The following TMEM177 variants were observed in gnomAD, a reference collection of about 807,000 sequenced individuals.
TMEM177 encodes the protein transmembrane protein 177.
In TMEM177, 4 loss-of-function variants were observed where a neutral mutation model predicts 14.2. The ratio of observed to expected loss-of-function variants is 0.28; its 90% CI spans 0.14 to 0.64. TMEM177 has a LOEUF of 0.64. Among genes scored for constraint, TMEM177 ranks in the 30% least tolerant of loss-of-function variants. The pLI is 0.82. For missense variants in TMEM177, 344 were observed against 405.2 expected (o/e 0.85, Z 1.30); for synonymous variants, 179 against 174.5 (o/e 1.03, Z -0.20).
At chr2:119,703,934 C>T in the TMEM177 span, among the ~76,000 whole-genome samples, 1 of 152,204 alleles carries the variant, frequency 6.6e-6, no homozygotes, top group Non-Finnish European at 1.5e-5. Context: ...TGTAAATCAT[C>T]CTTTACTAAA....
At chr2:119,709,364 G>A in the TMEM177 span, among the ~76,000 whole-genome samples, 125,864 of 152,180 alleles carry the variant, frequency 0.83, 52,153 homozygotes, top group East Asian at 0.89. Flanking sequence ...GAAATATTTG[G>A]TCCATTAGGG....
chr2:119,688,928 T>G (rs1558691574), downstream of TMEM177, among the ~76,000 whole-genome samples: 1 of 152,212 alleles, frequency 6.6e-6, no homozygotes, highest in Non-Finnish European at 1.5e-5. Context: ...CCACCAGCGA[T>G]GGAGCGTGGG....
chr2:119,681,701 T>A lies in TMEM177; in HGVS notation c.848T>A (p.Leu283Ter). The A allele has an allele frequency of 6.2e-7, 1 of 1,614,184 alleles. No individual in the cohort carries two copies. Among genetic ancestry groups the A allele is most frequent in the South Asian group, 1.1e-5 (1 of 91,086 alleles). ...TPSGNIVPRH[L>*]FRIKHLPYTT... ...AGCGGGAACATCGTCCCCAGACACTTGTTCCGAATCAAACATTTACCCTAC... is the reference window on the plus strand; with the variant it reads ...AGCGGGAACATCGTCCCCAGACACTAGTTCCGAATCAAACATTTACCCTAC... The change falls in exon 2 of 2, where the codon TTG becomes TAG. Residue 283 changes from leucine (L) to a stop codon, truncating the protein, a stop_gained. Transcript: ENST00000272521. LOFTEE classifies it high-confidence loss of function.
downstream of TMEM177, chr2:119,685,780 A>T: frequency 1.4e-6 from 1 of 716,588 alleles, no homozygotes. Flanking sequence ...CACTAAATTT[A>T]TACTGTCCTA....
At chr2:119,683,760 A>G (rs1438321780), downstream of TMEM177, among the ~76,000 whole-genome samples, 4 of 152,096 alleles carry the variant, frequency 2.6e-5, no homozygotes, top group Non-Finnish European at 5.9e-5. Flanking sequence ...AGCCGTGTGT[A>G]TGTGTGTGCG....
the TMEM177 span, among the ~76,000 whole-genome samples, chr2:119,717,523 C>T: frequency 1.3e-5 from 2 of 150,562 alleles, no homozygotes; most frequent in East Asian, 2.0e-4. Context: ...GTGGTGGATA[C>T]ACCTTTTGTC....
rs749496137 is a variant in TMEM177 at position 119,680,947 on chromosome 2, A to AG, written c.94_95insG (p.Ile32SerfsTer88). ...CTGTGCAGGCCTGTTTGGAGTTCCAATCTCGTACCACCTCTTCCCGGATCC... is the reference window on the plus strand; with the variant it reads ...CTGTGCAGGCCTGTTTGGAGTTCCAAGTCTCGTACCACCTCTTCCCGGATCC... On this transcript the variant is annotated frameshift_variant, in exon 2 of 2. Transcript: ENST00000272521. LOFTEE classifies it high-confidence loss of function. 6.2e-7 allele frequency: 1 copy of AG among 1,613,980 alleles called. No individual in the cohort carries two copies. The highest frequency in any genetic ancestry group is 8.5e-7 in the Non-Finnish European group (1 of 1,180,022).
At chr2:119,701,888 TC>T in the TMEM177 span, among the ~76,000 whole-genome samples, 1 of 152,200 alleles carries the variant, frequency 6.6e-6, no homozygotes, top group Non-Finnish European at 1.5e-5. Context: ...TGTCTTCTGT[TC>T]CTGGGTGGGA....
chr2:119,681,459 T>G lies in TMEM177; in HGVS notation c.606T>G (p.Ala202=), dbSNP rs1245805025. ...GLHAGPMNLR[A]AFSLVAAVAG... ...ATGCAGGCCCCATGAATTTACGGGC[T>G]GCCTTCAGCTTGGTGGCAGCAGTGG... The change falls in exon 2 of 2, where the codon GCT becomes GCG. Residue 202 remains alanine, a synonymous_variant. Transcript: ENST00000272521. 1 of 1,613,634 alleles carries G rather than the reference T, an allele frequency of 6.2e-7. No individual in the cohort carries two copies. The highest frequency in any genetic ancestry group is 8.5e-7 in the Non-Finnish European group (1 of 1,180,038).
At chr2:119,713,046 C>T in the TMEM177 span, among the ~76,000 whole-genome samples, 3 of 151,410 alleles carry the variant, frequency 2.0e-5, no homozygotes, top group African/African-American at 7.3e-5. Flanking sequence ...TAGAAATATT[C>T]GACACCAAAC....
At chr2:119,714,957 A>G in the TMEM177 span, among the ~76,000 whole-genome samples, 2 of 152,222 alleles carry the variant, frequency 1.3e-5, no homozygotes, top group Non-Finnish European at 2.9e-5. Context: ...GCAGACAGGA[A>G]GTGTATGCCA....
the TMEM177 span, among the ~76,000 whole-genome samples, chr2:119,711,599 A>G: frequency 6.6e-6 from 1 of 152,114 alleles, no homozygotes; most frequent in African/African-American, 2.4e-5. Context: ...AAATACTGAT[A>G]GGCTTCTCCC....
In TMEM177 at chr2:119,681,959, A is replaced by G. The variant is rs1688918478; in HGVS notation, c.*170A>G. 4.8e-6 allele frequency: 3 copies of G among 631,216 alleles called. No homozygotes were observed. In the East Asian group the frequency reaches 8.3e-5, roughly 17 times the overall value. 39.1% of individuals were successfully genotyped at this position (631,216 alleles called of 1,614,324 possible). On this transcript the variant is annotated 3_prime_UTR_variant, in exon 2 of 2. Coordinates refer to ENST00000272521, the MANE Select transcript of TMEM177 (RefSeq NM_030577.3). ...ACCACTACTTATGAACTCAGGGACTATGAGGGACTATTCAGGGGCTATGAA... is the reference window on the plus strand; with the variant it reads ...ACCACTACTTATGAACTCAGGGACTGTGAGGGACTATTCAGGGGCTATGAA...
chr2:119,705,522 C>T, the TMEM177 span, among the ~76,000 whole-genome samples: 4,430 of 152,102 alleles, frequency 0.029, 108 homozygotes, highest in African/African-American at 0.075. Flanking sequence ...AGAGGTTGTC[C>T]ATAGTTCCTT....
chr2:119,692,703 T>G, the TMEM177 span, among the ~76,000 whole-genome samples: 1 of 152,192 alleles, frequency 6.6e-6, no homozygotes, highest in Non-Finnish European at 1.5e-5. Flanking sequence ...CTGGGTGTGG[T>G]GGCTCACGCC....
chr2:119,703,109 C>T, the TMEM177 span, among the ~76,000 whole-genome samples: 2 of 152,238 alleles, frequency 1.3e-5, no homozygotes, highest in African/African-American at 2.4e-5. Context: ...GAGCTAGGAG[C>T]GCCTCCTCGC....
At chr2:119,705,045 C>T in the TMEM177 span, among the ~76,000 whole-genome samples, 8 of 152,156 alleles carry the variant, frequency 5.3e-5, no homozygotes, top group African/African-American at 1.9e-4. Context: ...TAGTTCCTGG[C>T]ACGTATTAGT....
At chr2:119,703,748 G>A in the TMEM177 span, among the ~76,000 whole-genome samples, 1 of 152,128 alleles carries the variant, frequency 6.6e-6, no homozygotes, top group Admixed American at 6.5e-5. Flanking sequence ...TGGAAGGCTG[G>A]GAGGAGAGGC....
At chr2:119,708,267 A>G in the TMEM177 span, among the ~76,000 whole-genome samples, 2 of 152,196 alleles carry the variant, frequency 1.3e-5, no homozygotes, top group Admixed American at 1.3e-4. Flanking sequence ...AGCTTTAACA[A>G]TGATTACCAT....
Sources: gnomAD v4.1 joint callset for allele counts (sites outside exome capture counted in the v4.1 genomes callset) on GRCh38, gnomAD v4.1.1 for gene constraint, MANE v1.5 for transcripts, NCBI Gene and HGNC (gene_info 2026-07-23, HGNC 2026-07-21) for gene names.